APELA: variants seen among roughly 807,000 people sequenced by gnomAD.
APELA encodes the protein protein Elabela.
At chr4:164,883,308 C>G (rs1730696711) in intron 2 of APELA, among the ~76,000 whole-genome samples, 1 of 152,100 alleles carries the variant, frequency 6.6e-6, no homozygotes, top group African/African-American at 2.4e-5. Flanking sequence ...TTATTTCAAA[C>G]TAATAACCTC....
chr4:164,898,672 C>T (rs1731022270), downstream of APELA: 1 of 152,038 alleles, frequency 6.6e-6, no homozygotes, highest in Non-Finnish European at 1.5e-5. Context: ...GGGTGGTGGA[C>T]CAAAGCAAAT....
At position 164,896,892 on chromosome 4, in the gene APELA, G is replaced by T. The variant is rs2111073954; in HGVS notation, c.*1478G>T. On this transcript the variant is annotated 3_prime_UTR_variant, in exon 3 of 3. Coordinates refer to ENST00000507152, the MANE Select transcript of APELA (RefSeq NM_001297550.2). ...TGGCTCAAGCGATCCTTCCACCTCAGCCTCCCAAGTACCTGGGACTACAGG... is the reference window on the plus strand; with the variant it reads ...TGGCTCAAGCGATCCTTCCACCTCATCCTCCCAAGTACCTGGGACTACAGG... 1 of 151,964 alleles carries T rather than the reference G, an allele frequency of 6.6e-6. No individual in the cohort carries two copies. The highest frequency in any genetic ancestry group is 6.6e-5 in the Admixed American group (1 of 15,248). 9.4% of individuals were successfully genotyped at this position (151,964 alleles called of 1,614,324 possible).
chr4:164,894,409 CTTTATTTT>C (rs56931216), intron 2 of APELA, among the ~76,000 whole-genome samples: 12,330 of 151,298 alleles, frequency 0.081, 1,423 homozygotes, highest in African/African-American at 0.26. Flanking sequence ...TTCTTTTCTT[CTTTATTTT>C]TTTATTTTTT....
chr4:164,896,221 T>TTA lies in APELA; in HGVS notation c.*810_*811dup, dbSNP rs1730973259. 1 of 152,090 alleles carries TTA rather than the reference T, an allele frequency of 6.6e-6. No homozygotes were observed. Among genetic ancestry groups the TTA allele is most frequent in the African/African-American group, 2.4e-5 (1 of 41,408 alleles). The allele number at this position is 152,090 out of a possible 1,614,324, so 9.4% of individuals were successfully genotyped here. A position where few individuals can be genotyped will look rare whatever the true frequency, so the allele number is the denominator to read the frequency against. On this transcript the variant is annotated 3_prime_UTR_variant, in exon 3 of 3. Transcript: ENST00000507152. ...TGATTCTCGTGCCTCAACCTCCCAA[T>TTA]TATAGGCTGGGATTACAGGTGTGCA...
chr4:164,890,363 C>A (rs1437568389), intron 2 of APELA, among the ~76,000 whole-genome samples: 1 of 152,060 alleles, frequency 6.6e-6, no homozygotes, highest in Non-Finnish European at 1.5e-5. Flanking sequence ...TTTCATCATC[C>A]CATAAAGAAA....
chr4:164,895,869 A>G lies in APELA; in HGVS notation c.*455A>G, dbSNP rs562006301. 3.3e-4 allele frequency: 50 copies of G among 152,230 alleles called. No homozygotes were observed. The highest frequency in any genetic ancestry group is 1.3e-3 in the Admixed American group (20 of 15,270). The allele number at this position is 152,230 out of a possible 1,614,324, so 9.4% of individuals were successfully genotyped here. On this transcript the variant is annotated 3_prime_UTR_variant, in exon 3 of 3. Transcript: ENST00000507152. ...TTTTCTAAAAACTGCTCAACCTGAAATCAATTGCATTGACCATTTGGCTTC... is the reference window on the plus strand; with the variant it reads ...TTTTCTAAAAACTGCTCAACCTGAAGTCAATTGCATTGACCATTTGGCTTC...
intron 2 of APELA, among the ~76,000 whole-genome samples, chr4:164,890,871 G>A (rs1043432238): frequency 6.6e-6 from 1 of 152,164 alleles, no homozygotes; most frequent in African/African-American, 2.4e-5. Flanking sequence ...GTATACGTGG[G>A]TTTTAATTTC....
intron 2 of APELA, among the ~76,000 whole-genome samples, chr4:164,883,541 C>T (rs1294952082): frequency 1.4e-5 from 2 of 143,978 alleles, no homozygotes; most frequent in East Asian, 2.0e-4. Context: ...AGGCTGGGTG[C>T]CATGGCATGA....
intron 2 of APELA, among the ~76,000 whole-genome samples, chr4:164,891,853 G>A (rs1459970334): frequency 6.6e-6 from 1 of 152,062 alleles, no homozygotes; most frequent in African/African-American, 2.4e-5. Flanking sequence ...CTTATTCTTG[G>A]TCCCAGATTT....
At position 164,890,757 on chromosome 4, in the gene APELA, AAG is replaced by A. The variant is rs112794666; in HGVS notation, c.*2-4654_*2-4653del. Reference sequence around the variant, plus strand: ...ATGTTTTCAGTTCTCTGGGAATTAAAAGAGAGGAATTGTTGGGTCATATGGTT... The same window carrying A: ...ATGTTTTCAGTTCTCTGGGAATTAAAAGAGGAATTGTTGGGTCATATGGTT... On this transcript the variant is annotated intron_variant, in intron 2 of 2. Transcript: ENST00000507152. Among the ~76,000 whole-genome samples, 484 of 152,140 alleles carry A rather than the reference AAG, an allele frequency of 3.2e-3. 3 individuals carry two copies. The highest frequency in any genetic ancestry group is 0.01 in the African/African-American group (433 of 41,428).
intron 2 of APELA, among the ~76,000 whole-genome samples, chr4:164,884,167 G>A (rs2111056360): frequency 6.7e-6 from 1 of 150,180 alleles, no homozygotes; most frequent in African/African-American, 2.4e-5. Context: ...AAGGAGAAGA[G>A]AAAGAAAGGA....
At chr4:164,884,122 AGAAAG>A (rs1175165533) in intron 2 of APELA, among the ~76,000 whole-genome samples, 5 of 1,524 alleles carry the variant, frequency 3.3e-3, no homozygotes, top group Non-Finnish European at 0.016. Flanking sequence ...AGAAAGAAAG[AGAAAG>A]AAAGAAAGAA....
downstream of APELA, chr4:164,897,579 T>C (rs1441654086): frequency 6.6e-5 from 10 of 152,114 alleles, no homozygotes; most frequent in Admixed American, 6.5e-4. Flanking sequence ...GAGTATAGCA[T>C]GGTAGAAATG....
At chr4:164,886,640 C>T (rs13139663) in intron 2 of APELA, among the ~76,000 whole-genome samples, 59,437 of 151,084 alleles carry the variant, frequency 0.39, 12,434 homozygotes, top group South Asian at 0.48. Context: ...AGTGAGACTC[C>T]GTCTAAAAAA....
chr4:164,895,098 C>G (rs1171860863), intron 2 of APELA, among the ~76,000 whole-genome samples: 2 of 152,136 alleles, frequency 1.3e-5, no homozygotes, highest in Non-Finnish European at 2.9e-5. Context: ...ATTCAGGAGG[C>G]TGGGGCATGA....
At chr4:164,887,462 C>CA (rs576891189) in intron 2 of APELA, among the ~76,000 whole-genome samples, 65 of 151,758 alleles carry the variant, frequency 4.3e-4, no homozygotes, top group South Asian at 4.0e-3. Context: ...TATCCTAAAA[C>CA]AAAAAAAACA....
intron 2 of APELA, among the ~76,000 whole-genome samples, chr4:164,894,685 G>A (rs143512972): frequency 3.3e-5 from 5 of 152,226 alleles, no homozygotes; most frequent in African/African-American, 9.6e-5. Context: ...GATTATAGGC[G>A]TGAGCCACCA....
chr4:164,894,930 C>A (rs1283160694), intron 2 of APELA, among the ~76,000 whole-genome samples: 3 of 152,172 alleles, frequency 2.0e-5, no homozygotes, highest in African/African-American at 7.2e-5. Flanking sequence ...GTTAACACCC[C>A]ACTATGACTG....
intron 2 of APELA, among the ~76,000 whole-genome samples, chr4:164,888,072 G>T (rs776225272): frequency 4.6e-5 from 7 of 152,066 alleles, no homozygotes; most frequent in Non-Finnish European, 5.9e-5. Context: ...TCCTAAACAG[G>T]CTGTTGTACC....
Sources: gnomAD v4.1 joint callset for allele counts (sites outside exome capture counted in the v4.1 genomes callset) on GRCh38, gnomAD v4.1.1 for gene constraint, MANE v1.5 for transcripts, NCBI Gene and HGNC (gene_info 2026-07-23, HGNC 2026-07-21) for gene names.